Variants in DPH6 observed in about 807,000 individuals in gnomAD.
The protein encoded by DPH6 is diphthamine biosynthesis 6, also known as diphthine--ammonia ligase.
DPH6 carries 33 observed loss-of-function variants against 38.2 expected under a neutral mutation model. The ratio of observed to expected loss-of-function variants is 0.86; its 90% CI spans 0.65 to 1.15. The LOEUF is 1.15. DPH6 is among the 50% of genes most tolerant of loss of function. The pLI is 0.00. For missense variants in DPH6, 325 were observed against 320.0 expected (o/e 1.02, Z -0.12); for synonymous variants, 108 against 103.0 (o/e 1.05, Z -0.30).
chr15:35,377,678 T>C (rs2052799814), intron 7 of DPH6, among the ~76,000 whole-genome samples: 1 of 152,168 alleles, frequency 6.6e-6, no homozygotes, highest in African/African-American at 2.4e-5. Flanking sequence ...TAGAGGTGAA[T>C]GACTTCATCT....
intron 3 of DPH6, among the ~76,000 whole-genome samples, chr15:35,304,765 G>A (rs1374064408): frequency 6.6e-6 from 1 of 150,802 alleles, no homozygotes; most frequent in African/African-American, 2.4e-5. Flanking sequence ...ATTCTTCAAA[G>A]CTCATCTCTA....
At chr15:35,373,346 A>C (rs1037952275) in intron 8 of DPH6, among the ~76,000 whole-genome samples, 175 bp downstream of exon 8, 1 of 152,012 alleles carries the variant, frequency 6.6e-6, no homozygotes, top group Non-Finnish European at 1.5e-5. Flanking sequence ...ATAACTCAAA[A>C]CTATAAGCAT....
chr15:35,451,025 C>A (rs1231742221), intron 4 of DPH6, among the ~76,000 whole-genome samples: 1 of 151,958 alleles, frequency 6.6e-6, no homozygotes, highest in Admixed American at 6.6e-5. Flanking sequence ...TCCAGGCACA[C>A]TAGAAATATT....
At chr15:35,198,951 C>T in the DPH6 span, among the ~76,000 whole-genome samples, 1 of 151,286 alleles carries the variant, frequency 6.6e-6, no homozygotes, top group Non-Finnish European at 1.5e-5. Context: ...GTTTCATTCA[C>T]TTTTGTTGCC....
chr15:35,355,710 C>T (rs2052554012), intron 3 of DPH6, among the ~76,000 whole-genome samples: 1 of 152,162 alleles, frequency 6.6e-6, no homozygotes, highest in African/African-American at 2.4e-5. Context: ...TCTGGCTGCT[C>T]TTAATATTTT....
At chr15:35,486,648 T>C (rs548779568) in intron 3 of DPH6, among the ~76,000 whole-genome samples, 3 of 152,132 alleles carry the variant, frequency 2.0e-5, no homozygotes, top group Non-Finnish European at 4.4e-5. Context: ...AGATGAGATT[T>C]GGGTGGGGAC....
chr15:35,381,752 G>A, intron 7 of DPH6, 70 bp downstream of exon 7: 1 of 1,306,360 alleles, frequency 7.7e-7, no homozygotes, highest in South Asian at 1.2e-5. Flanking sequence ...GTTGCCTCAA[G>A]CTTAATGTTC....
the DPH6 span, among the ~76,000 whole-genome samples, chr15:35,201,331 C>A: frequency 4.0e-5 from 6 of 151,614 alleles, no homozygotes; most frequent in African/African-American, 9.7e-5. Context: ...CTGTTCCATT[C>A]GATTGATCTT....
At chr15:35,345,296 TAG>T (rs1341770146) in intron 3 of DPH6, among the ~76,000 whole-genome samples, 3 of 151,942 alleles carry the variant, frequency 2.0e-5, no homozygotes, top group Non-Finnish European at 4.4e-5. Flanking sequence ...GCACTATTTA[TAG>T]AGTCATAACC....
intron 3 of DPH6, among the ~76,000 whole-genome samples, chr15:35,303,175 A>T (rs956134263): frequency 6.6e-6 from 1 of 152,100 alleles, no homozygotes; most frequent in Non-Finnish European, 1.5e-5. Flanking sequence ...TTCCATCATG[A>T]TGCTGTGGCA....
chr15:35,496,685 G>GT (rs1286014647), intron 3 of DPH6, among the ~76,000 whole-genome samples: 1 of 148,032 alleles, frequency 6.8e-6, no homozygotes, highest in African/African-American at 2.5e-5. Flanking sequence ...ATATGAAAAT[G>GT]GTCAGTAAAC....
At chr15:35,527,263 T>G (rs2055017627) in intron 3 of DPH6, among the ~76,000 whole-genome samples, 1 of 152,104 alleles carries the variant, frequency 6.6e-6, no homozygotes, top group Non-Finnish European at 1.5e-5. Flanking sequence ...AAAATGAGGA[T>G]GACAGGCTCT....
intron 3 of DPH6, among the ~76,000 whole-genome samples, chr15:35,455,602 C>A (rs1424832476): frequency 6.6e-6 from 1 of 152,126 alleles, no homozygotes; most frequent in Non-Finnish European, 1.5e-5. Context: ...TTTGAAATGA[C>A]AGGTCCAAGG....
At chr15:35,522,027 A>C in intron 3 of DPH6, 1 of 1,557,042 alleles carries the variant, frequency 6.4e-7, no homozygotes, top group South Asian at 1.3e-5. Context: ...ACAGATCAGC[A>C]TCCAATTAGT....
chr15:35,509,163 A>G (rs1458406657), intron 3 of DPH6, among the ~76,000 whole-genome samples: 1 of 152,204 alleles, frequency 6.6e-6, no homozygotes, highest in Non-Finnish European at 1.5e-5. Flanking sequence ...ATTACAAGAA[A>G]CAGATTTATG....
At chr15:35,366,065 TG>T, downstream of DPH6, 4 of 966,262 alleles carry the variant, frequency 4.1e-6, no homozygotes, top group Non-Finnish European at 4.9e-6. Flanking sequence ...TTACTTTCTT[TG>T]TCCTATTTGT....
chr15:35,467,141 T>C (rs1478974203), intron 3 of DPH6, among the ~76,000 whole-genome samples: 3 of 152,260 alleles, frequency 2.0e-5, no homozygotes, highest in African/African-American at 4.8e-5. Context: ...TGTTTTTTAC[T>C]CTTTGTAATA....
At chr15:35,282,797 A>G (rs1241030983) in intron 3 of DPH6, 1 of 342,970 alleles carries the variant, frequency 2.9e-6, no homozygotes, top group African/African-American at 2.1e-5. Flanking sequence ...CCAGCACAGC[A>G]TCACAGCACA....
chr15:35,312,816 G>C (rs111277571), intron 3 of DPH6, among the ~76,000 whole-genome samples: 1 of 152,192 alleles, frequency 6.6e-6, no homozygotes, highest in Non-Finnish European at 1.5e-5. Context: ...CTTTGTCAAA[G>C]ATAAGTTGGC....
Sources: gnomAD v4.1 joint callset for allele counts (sites outside exome capture counted in the v4.1 genomes callset) on GRCh38, gnomAD v4.1.1 for gene constraint, MANE v1.5 for transcripts, NCBI Gene and HGNC (gene_info 2026-07-23, HGNC 2026-07-21) for gene names.